The following HNF4G variants were observed in gnomAD, a reference collection of about 807,000 sequenced individuals.
HNF4G encodes the protein hepatocyte nuclear factor 4 gamma, also known as hepatocyte nuclear factor 4-gamma.
A neutral mutation model predicts 50.9 loss-of-function variants in HNF4G; 21 were observed. The ratio of observed to expected loss-of-function variants is 0.41; its 90% CI spans 0.29 to 0.59. The LOEUF (loss-of-function observed/expected upper bound fraction) is 0.59, where lower values mean the gene tolerates loss of function less well. Among genes scored for constraint, HNF4G ranks in the 20% least tolerant of loss-of-function variants. The pLI is 0.26. For missense variants in HNF4G, 527 were observed against 559.4 expected (o/e 0.94, Z 0.58); for synonymous variants, 198 against 185.6 (o/e 1.07, Z -0.54).
intron 2 of HNF4G, among the ~76,000 whole-genome samples, chr8:75,503,080 G>A (rs1428907130): frequency 6.6e-6 from 1 of 152,104 alleles, no homozygotes; most frequent in Non-Finnish European, 1.5e-5. Context: ...GGGGGTTCTG[G>A]AAGGAAAAAG....
chr8:75,452,292 C>G (rs184435142), intron 1 of HNF4G, among the ~76,000 whole-genome samples: 83 of 152,080 alleles, frequency 5.5e-4, no homozygotes, highest in Admixed American at 4.1e-3. Flanking sequence ...TTATAATAAA[C>G]GATTGTTACA....
rs2941473 is a variant in HNF4G at position 75,560,325 on chromosome 8, A to G, written c.1124-19A>G. 3.0e-3 allele frequency: 4,817 copies of G among 1,610,308 alleles called. 75 individuals carry two copies. The African/African-American group carries it at 0.041, about 14-fold the overall frequency. The stretch of plus-strand genomic sequence containing the variant: ...CCTGATTAAATATCACTAACACAGC[A>G]TCTTTTTATCTTTTGTAGGGGCTTC... On this transcript the variant is annotated intron_variant, in intron 8 of 9. Coordinates refer to ENST00000396423, the MANE Select transcript of HNF4G (RefSeq NM_004133.5).
chr8:75,506,092 T>A (rs970893144), intron 2 of HNF4G, among the ~76,000 whole-genome samples: 3 of 151,998 alleles, frequency 2.0e-5, no homozygotes, highest in Admixed American at 1.3e-4. Flanking sequence ...TGTCAGTAAT[T>A]TAACATTAGG....
At chr8:75,469,290 T>C (rs1812061245) in intron 1 of HNF4G, among the ~76,000 whole-genome samples, 1 of 151,142 alleles carries the variant, frequency 6.6e-6, no homozygotes. Flanking sequence ...TGGGGAAATA[T>C]ACCCCACCCA....
At chr8:75,425,915 G>C (rs183583026) in intron 1 of HNF4G, among the ~76,000 whole-genome samples, 30 of 152,188 alleles carry the variant, frequency 2.0e-4, no homozygotes, top group African/African-American at 5.8e-4. Flanking sequence ...TCCAAGAGTG[G>C]AATTACTGGA....
At chr8:75,466,629 C>T (rs918677364) in intron 1 of HNF4G, among the ~76,000 whole-genome samples, 1 of 58,104 alleles carries the variant, frequency 1.7e-5, no homozygotes, top group East Asian at 3.9e-4. Context: ...TCCTTCCTTC[C>T]TTCCTTCTCC....
intron 2 of HNF4G, among the ~76,000 whole-genome samples, chr8:75,493,711 T>G (rs1030992873): frequency 6.6e-6 from 1 of 152,204 alleles, no homozygotes; most frequent in East Asian, 1.9e-4. Flanking sequence ...ATAGTGTTTT[T>G]TACCTGTTTA....
rs532753704 is a variant in HNF4G, at chr8:75,423,442, C to T, written c.-144+15280C>T. 1.1e-4 allele frequency among the ~76,000 whole-genome samples: 17 copies of T among 150,340 alleles called. 2 individuals carry two copies. The South Asian group carries it at 3.4e-3, about 30-fold the overall frequency. On this transcript the variant is annotated intron_variant, in intron 1 of 10. Transcript: ENST00000354370. ...TTGGTGCACTGCAACCTCAACTTCC[C>T]GGGTTCAAGCAATTCTTCTGCCTCA... is the stretch of plus-strand genomic sequence containing the variant.
intron 2 of HNF4G, among the ~76,000 whole-genome samples, chr8:75,501,695 G>T (rs961692942): frequency 6.6e-6 from 1 of 151,934 alleles, no homozygotes; most frequent in Non-Finnish European, 1.5e-5. Context: ...ATTTTTTAAA[G>T]AAATGTTTTT....
At chr8:75,523,386 T>C (rs1034163019) in intron 2 of HNF4G, among the ~76,000 whole-genome samples, 1 of 152,184 alleles carries the variant, frequency 6.6e-6, no homozygotes, top group Non-Finnish European at 1.5e-5. Context: ...TTTCACAGGC[T>C]CTCTAATTGG....
intron 2 of HNF4G, among the ~76,000 whole-genome samples, chr8:75,496,519 T>C (rs1812769635): frequency 6.6e-6 from 1 of 152,066 alleles, no homozygotes; most frequent in Non-Finnish European, 1.5e-5. Flanking sequence ...CTAGTTATTT[T>C]AAACAGCCAC....
chr8:75,507,686 G>A (rs1386338533), intron 2 of HNF4G, among the ~76,000 whole-genome samples: 1 of 152,080 alleles, frequency 6.6e-6, no homozygotes, highest in East Asian at 1.9e-4. Context: ...TTCAAATACT[G>A]CATTTTATAA....
intron 2 of HNF4G, among the ~76,000 whole-genome samples, chr8:75,503,452 C>G (rs1041998079): frequency 6.6e-6 from 1 of 152,160 alleles, no homozygotes; most frequent in Non-Finnish European, 1.5e-5. Flanking sequence ...TACAGTGTCT[C>G]TGGCTTCCAG....
intron 1 of HNF4G, among the ~76,000 whole-genome samples, chr8:75,442,377 G>A (rs974671787): frequency 6.6e-6 from 1 of 151,852 alleles, no homozygotes; most frequent in Admixed American, 6.6e-5. Context: ...ATTATAAATA[G>A]GCAAGACTTT....
chr8:75,464,780 C>G (rs1201410021), intron 1 of HNF4G, among the ~76,000 whole-genome samples: 2 of 152,054 alleles, frequency 1.3e-5, no homozygotes, highest in African/African-American at 4.8e-5. Context: ...TGAGGCTGCC[C>G]TTATTTCTGA....
At chr8:75,530,426 G>GTAA (rs1491364909) in intron 2 of HNF4G, among the ~76,000 whole-genome samples, 2 of 81,896 alleles carry the variant, frequency 2.4e-5, no homozygotes, top group African/African-American at 9.9e-5. Flanking sequence ...AGATCCACCA[G>GTAA]TAATAAAAAA....
intron 1 of HNF4G, among the ~76,000 whole-genome samples, chr8:75,426,718 G>A (rs1394801834): frequency 6.6e-6 from 1 of 150,850 alleles, no homozygotes; most frequent in Non-Finnish European, 1.5e-5. Flanking sequence ...GGTAATGATT[G>A]GCAATTCTTA....
intron 1 of HNF4G, among the ~76,000 whole-genome samples, chr8:75,434,818 AT>A (rs1417098413): frequency 6.6e-6 from 1 of 152,218 alleles, no homozygotes; most frequent in Admixed American, 6.5e-5. Context: ...AACATTTAAA[AT>A]AGTAGTTGTA....
chr8:75,471,209 A>G (rs557744141), intron 1 of HNF4G, among the ~76,000 whole-genome samples: 12 of 152,330 alleles, frequency 7.9e-5, no homozygotes, highest in African/African-American at 2.2e-4. Context: ...TGGTGATGAA[A>G]TCCAAGAAAA....
Sources: gnomAD v4.1 joint callset for allele counts (sites outside exome capture counted in the v4.1 genomes callset) on GRCh38, gnomAD v4.1.1 for gene constraint, MANE v1.5 for transcripts, NCBI Gene and HGNC (gene_info 2026-07-23, HGNC 2026-07-21) for gene names.